GAS7: variants seen among roughly 807,000 people sequenced by gnomAD.
GAS7 encodes the protein growth arrest specific 7, also known as growth arrest-specific protein 7.
A neutral mutation model predicts 71.1 loss-of-function variants in GAS7; 28 were observed. That is an observed-to-expected ratio of 0.39 (90% CI 0.29 to 0.54). The LOEUF (loss-of-function observed/expected upper bound fraction) is 0.54, where lower values mean the gene tolerates loss of function less well. GAS7 is among the 20% of genes least tolerant of loss of function. The probability of loss-of-function intolerance (pLI) is 0.62; values close to 1 mark genes in which losing one functional copy is unlikely to be tolerated. For synonymous variants in GAS7, 258 were observed against 245.8 expected (o/e 1.05, Z -0.46); for missense variants, 436 against 627.8 (o/e 0.69, Z 3.27).
intron 1 of GAS7, among the ~76,000 whole-genome samples, chr17:10,183,006 G>A (rs1280608350): frequency 6.6e-6 from 1 of 152,150 alleles, no homozygotes; most frequent in African/African-American, 2.4e-5. Flanking sequence ...AAGCCATTAA[G>A]ACTAATTAGC....
chr17:9,917,880 C>G, intron 13 of GAS7, 121 bp downstream of exon 13: 1 of 681,270 alleles, frequency 1.5e-6, no homozygotes, highest in South Asian at 1.8e-5. Flanking sequence ...GAGCACCTGC[C>G]CACTGCCCGC....
At chr17:10,167,042 G>GTTTTTTTT (rs2074299307) in intron 1 of GAS7, among the ~76,000 whole-genome samples, 1 of 46,610 alleles carries the variant, frequency 2.1e-5, no homozygotes, top group African/African-American at 9.8e-5. Flanking sequence ...ATTTCCATTT[G>GTTTTTTTT]TCTTTTTTTT....
chr17:9,998,773 G>T (rs1329196685), intron 2 of GAS7, among the ~76,000 whole-genome samples: 1 of 151,582 alleles, frequency 6.6e-6, no homozygotes, highest in Non-Finnish European at 1.5e-5. Context: ...ATCAATCTTG[G>T]CACCTGATTT....
At chr17:10,014,318 T>C (rs1207876533) in intron 2 of GAS7, among the ~76,000 whole-genome samples, 1 of 152,132 alleles carries the variant, frequency 6.6e-6, no homozygotes, top group Non-Finnish European at 1.5e-5. Flanking sequence ...GACCTCATTA[T>C]TTCTCCTCTC....
chr17:10,046,393 A>T (rs2072955899), intron 1 of GAS7, among the ~76,000 whole-genome samples: 4 of 146,570 alleles, frequency 2.7e-5, no homozygotes, highest in Admixed American at 2.7e-4. Flanking sequence ...ACAGAATCGG[A>T]GGAAAAAAAA....
At chr17:9,922,288 G>C (rs2152070598) in intron 11 of GAS7, among the ~76,000 whole-genome samples, 1 of 152,242 alleles carries the variant, frequency 6.6e-6, no homozygotes, top group African/African-American at 2.4e-5. Context: ...GAAGAGGGAG[G>C]AAAGGAACAG....
At chr17:10,028,669 A>T (rs182739217) in intron 1 of GAS7, among the ~76,000 whole-genome samples, 141 of 152,072 alleles carry the variant, frequency 9.3e-4, no homozygotes, top group African/African-American at 3.2e-3. Flanking sequence ...GAACAAAACA[A>T]GGCAAGTTGG....
At chr17:10,184,905 G>T (rs552054989) in intron 1 of GAS7, among the ~76,000 whole-genome samples, 17 of 149,940 alleles carry the variant, frequency 1.1e-4, no homozygotes, top group Admixed American at 1.1e-3. Context: ...GGAGGCTGGA[G>T]ACCAAGCTCT....
At chr17:10,036,585 C>T (rs2072757663) in intron 1 of GAS7, 3 of 1,509,370 alleles carry the variant, frequency 2.0e-6, no homozygotes, top group South Asian at 2.5e-5. Context: ...AGTCGCTAGC[C>T]CAGGGCCAGT....
intron 5 of GAS7, among the ~76,000 whole-genome samples, chr17:9,956,172 G>A (rs1013141322): frequency 2.6e-5 from 4 of 152,310 alleles, no homozygotes; most frequent in African/African-American, 2.4e-5. Context: ...CTTCTTGCAC[G>A]GCCTGTTTGA....
chr17:10,130,848 G>A (rs992806914), intron 1 of GAS7, among the ~76,000 whole-genome samples: 4 of 152,320 alleles, frequency 2.6e-5, no homozygotes, highest in African/African-American at 9.6e-5. Flanking sequence ...TAAGGAAGGC[G>A]TGGTTGGGGG....
intron 2 of GAS7, among the ~76,000 whole-genome samples, chr17:9,995,383 AGACGAGG>A (rs754351302): frequency 1.3e-4 from 20 of 152,306 alleles, no homozygotes; most frequent in Non-Finnish European, 2.6e-4. Flanking sequence ...AAAGATAAAG[AGACGAGG>A]GAAAGACCAA....
Position 10,118,636 on chromosome 17 carries a change from G to A in GAS7, c.183+79572C>T, listed in dbSNP as rs192224614. Among the ~76,000 whole-genome samples the A allele has an allele frequency of 3.3e-5, 5 of 149,290 alleles. No homozygotes were observed. The East Asian group carries it at 6.1e-4, about 18-fold the overall frequency. On this transcript the variant is annotated intron_variant, in intron 1 of 13. Coordinates refer to ENST00000432992, the MANE Select transcript of GAS7 (RefSeq NM_201433.2). ...GGAGAATCATTTGAACCCAGGAGGC[G>A]GAGGTTACAGTGAGCTGAGATTGCG...
chr17:10,029,995 G>A (rs551196715), intron 1 of GAS7, among the ~76,000 whole-genome samples: 6 of 152,300 alleles, frequency 3.9e-5, no homozygotes, highest in South Asian at 2.1e-4. Flanking sequence ...TGAAGCATCC[G>A]TGTCCTGTTG....
intron 1 of GAS7, among the ~76,000 whole-genome samples, chr17:10,194,996 T>C (rs2142158691): frequency 6.6e-6 from 1 of 152,340 alleles, no homozygotes; most frequent in African/African-American, 2.4e-5. Flanking sequence ...CCTATTCCTT[T>C]TCTGGAGGTA....
At chr17:10,172,396 G>A (rs968669573) in intron 1 of GAS7, among the ~76,000 whole-genome samples, 1 of 152,162 alleles carries the variant, frequency 6.6e-6, no homozygotes, top group African/African-American at 2.4e-5. Flanking sequence ...GCACAGCACT[G>A]TGCATAACAC....
At chr17:10,187,380 C>T (rs1293757409) in intron 1 of GAS7, among the ~76,000 whole-genome samples, 3 of 152,158 alleles carry the variant, frequency 2.0e-5, no homozygotes, top group Non-Finnish European at 1.5e-5. Flanking sequence ...CCATATAGCA[C>T]ACACCCCCAC....
At chr17:10,053,958 C>T (rs922033022) in intron 1 of GAS7, among the ~76,000 whole-genome samples, 4 of 152,122 alleles carry the variant, frequency 2.6e-5, no homozygotes, top group African/African-American at 9.7e-5. Flanking sequence ...CTTCTGGATC[C>T]GTAGGTTTGG....
At chr17:10,081,348 G>T (rs1456466159) in intron 1 of GAS7, among the ~76,000 whole-genome samples, 1 of 152,126 alleles carries the variant, frequency 6.6e-6, no homozygotes, top group Non-Finnish European at 1.5e-5. Context: ...TAGAGACGGG[G>T]TTTCACCATG....
Sources: allele counts gnomAD v4.1 joint callset (sites outside exome capture counted in the v4.1 genomes callset), GRCh38; gene constraint gnomAD v4.1.1; transcripts MANE v1.5; gene names NCBI Gene and HGNC (gene_info 2026-07-23, HGNC 2026-07-21).